MED12L: variants seen among roughly 807,000 people sequenced by gnomAD.
MED12L encodes the protein mediator complex subunit 12L.
A neutral mutation model predicts 281.3 loss-of-function variants in MED12L; 60 were observed. That is an observed-to-expected ratio of 0.21 (90% CI 0.17 to 0.26). The LOEUF is 0.26. MED12L is among the 10% of genes least tolerant of loss of function. The probability of loss-of-function intolerance (pLI) is 1.00; values close to 1 mark genes in which losing one functional copy is unlikely to be tolerated. For missense variants in MED12L, 2,146 were observed against 2,680.9 expected (o/e 0.80, Z 4.41); for synonymous variants, 974 against 987.2 (o/e 0.99, Z 0.25).
At chr3:151,408,744 T>G (rs1210960218) in intron 39 of MED12L, among the ~76,000 whole-genome samples, 5 of 152,224 alleles carry the variant, frequency 3.3e-5, no homozygotes, top group Admixed American at 1.3e-4. Flanking sequence ...ATTTTTAGAG[T>G]CATAGAAAGT....
rs769198903 is a variant in MED12L, at chr3:151,229,564, C to T, written c.2250+35898C>T. On this transcript the variant is annotated intron_variant, in intron 16 of 44. Transcript: ENST00000687756. ...CACGATCTTGGCTCACTGCAAGATC[C>T]GCCTCCCGGGTTCATGCCATTTTCC... 8.1e-4 allele frequency among the ~76,000 whole-genome samples: 122 copies of T among 150,376 alleles called. 1 individual carries two copies. The highest frequency in any genetic ancestry group is 3.4e-3 in the Middle Eastern group (1 of 292).
chr3:151,188,595 G>T, intron 13 of MED12L, 115 bp downstream of exon 13: 1 of 1,125,374 alleles, frequency 8.9e-7, no homozygotes, highest in Non-Finnish European at 1.2e-6. Context: ...TGAATATAAT[G>T]TATGTTTTAC....
intron 17 of MED12L, among the ~76,000 whole-genome samples, chr3:151,352,011 G>A (rs1365158794): frequency 6.6e-6 from 1 of 152,170 alleles, no homozygotes; most frequent in Non-Finnish European, 1.5e-5. Context: ...GGGACCAGAA[G>A]GGTTTTGGAT....
At chr3:151,140,059 A>T (rs967952220) in intron 5 of MED12L, among the ~76,000 whole-genome samples, 3 of 152,240 alleles carry the variant, frequency 2.0e-5, no homozygotes, top group African/African-American at 4.8e-5. Context: ...CTTACCCAGT[A>T]GCATTACAAT....
At chr3:151,145,067 A>G (rs1165044212) in intron 5 of MED12L, among the ~76,000 whole-genome samples, 2 of 152,092 alleles carry the variant, frequency 1.3e-5, no homozygotes, top group Admixed American at 6.5e-5. Context: ...TTAATCCTCA[A>G]AATAATTCTG....
At chr3:151,400,886 T>A (rs1016107382) in intron 39 of MED12L, among the ~76,000 whole-genome samples, 4 of 152,200 alleles carry the variant, frequency 2.6e-5, no homozygotes, top group African/African-American at 9.6e-5. Context: ...TTAAATAATA[T>A]TCTTCCATAA....
In MED12L at chr3:151,337,864, T is replaced by C. The variant is rs748857978; in HGVS notation, c.2251-12195T>C. 4.1e-5 allele frequency: 66 copies of C among 1,614,022 alleles called. No homozygotes were observed. The Admixed American group carries it at 1.1e-3, about 26-fold the overall frequency. On this transcript the variant is annotated intron_variant, in intron 16 of 44. Coordinates refer to ENST00000687756, the MANE Select transcript of MED12L (RefSeq NM_001393769.1). ...GGGTCACCACCATCCTGTTCTTTTTTCCTATTGTCCTGGGACAGAGATGTT... is the reference window on the plus strand; with the variant it reads ...GGGTCACCACCATCCTGTTCTTTTTCCCTATTGTCCTGGGACAGAGATGTT...
chr3:151,329,548 G>A (rs1371017941), intron 16 of MED12L: 1 of 1,526,514 alleles, frequency 6.6e-7, no homozygotes, highest in South Asian at 1.2e-5. Flanking sequence ...CTACAAATGA[G>A]CATGTGAAGC....
chr3:151,297,776 T>C (rs572138215), intron 16 of MED12L, among the ~76,000 whole-genome samples: 1 of 152,168 alleles, frequency 6.6e-6, no homozygotes, highest in Non-Finnish European at 1.5e-5. Context: ...TAAATGATGA[T>C]ATTGATGATG....
chr3:151,337,437 A>G (rs1427705189), intron 16 of MED12L: 4 of 204,424 alleles, frequency 2.0e-5, no homozygotes, highest in Non-Finnish European at 3.0e-5. Context: ...TATCCAATTG[A>G]TCGTTCTTCC....
chr3:151,162,111 G>A (rs1261151579), intron 8 of MED12L, among the ~76,000 whole-genome samples: 1 of 152,160 alleles, frequency 6.6e-6, no homozygotes, highest in Non-Finnish European at 1.5e-5. Context: ...TATATATTTT[G>A]ATGGGCAGAT....
intron 16 of MED12L, among the ~76,000 whole-genome samples, chr3:151,347,528 C>G (rs1001355060): frequency 5.9e-5 from 9 of 152,080 alleles, no homozygotes; most frequent in Non-Finnish European, 1.0e-4. Flanking sequence ...ACTGGAGTGA[C>G]AGAGTGAGGG....
intron 41 of MED12L, among the ~76,000 whole-genome samples, chr3:151,412,493 T>C (rs1205530978): frequency 3.3e-5 from 5 of 152,196 alleles, no homozygotes; most frequent in Non-Finnish European, 7.3e-5. Flanking sequence ...GCAGCACAGC[T>C]CCCATCTGTT....
chr3:151,332,038 A>G (rs1465252004), intron 16 of MED12L, among the ~76,000 whole-genome samples: 1 of 152,226 alleles, frequency 6.6e-6, no homozygotes. Flanking sequence ...GTGAGAAGGA[A>G]ACAATCAGCC....
chr3:151,156,000 A>G (rs1719228011), intron 5 of MED12L, among the ~76,000 whole-genome samples, 161 bp from the exon 6 acceptor site: 1 of 152,200 alleles, frequency 6.6e-6, no homozygotes, highest in East Asian at 1.9e-4. Context: ...TTGGGTGGGT[A>G]TCCTTTTCTG....
chr3:151,192,727 C>A, intron 15 of MED12L, 73 bp downstream of exon 15: 2 of 923,646 alleles, frequency 2.2e-6, no homozygotes, highest in Non-Finnish European at 3.4e-6. Flanking sequence ...CTCGATCCTT[C>A]TGTGTTCTCA....
At chr3:151,239,858 ACAC>A (rs1301671830) in intron 16 of MED12L, among the ~76,000 whole-genome samples, 1 of 152,258 alleles carries the variant, frequency 6.6e-6, no homozygotes, top group Non-Finnish European at 1.5e-5. Context: ...TCAAAAAAGG[ACAC>A]CACATTTTAT....
chr3:151,277,136 CT>C (rs1165599365), intron 16 of MED12L, among the ~76,000 whole-genome samples: 1 of 151,512 alleles, frequency 6.6e-6, no homozygotes, highest in Non-Finnish European at 1.5e-5. Flanking sequence ...TGACCAGCCT[CT>C]CCTGAGGCCA....
In MED12L at chr3:151,246,347, A is replaced by G. The variant is rs1258183509; in HGVS notation, c.2250+52681A>G. 1.1e-4 allele frequency among the ~76,000 whole-genome samples: 17 copies of G among 152,250 alleles called. No homozygotes were observed. The East Asian group carries it at 3.3e-3, about 29-fold the overall frequency. ...AAGCCAAAAGAACAAAGCTGGAGGC[A>G]TCACGCTACCTGACTTCAAACTATA... On this transcript the variant is annotated intron_variant, in intron 16 of 44. Coordinates refer to ENST00000687756, the MANE Select transcript of MED12L (RefSeq NM_001393769.1).
Sources: allele counts gnomAD v4.1 joint callset (sites outside exome capture counted in the v4.1 genomes callset), GRCh38; gene constraint gnomAD v4.1.1; transcripts MANE v1.5; gene names NCBI Gene and HGNC (gene_info 2026-07-23, HGNC 2026-07-21).